Variants in CEP128 observed in about 807,000 individuals in gnomAD.
CEP128 encodes centrosomal protein 128kDa.
Under a neutral mutation model 156.7 loss-of-function variants are expected in CEP128, and 132 were observed. The observed-to-expected ratio is 0.84, with a 90% CI of 0.73 to 0.97. The LOEUF (loss-of-function observed/expected upper bound fraction) is 0.97, where lower values mean the gene tolerates loss of function less well. CEP128 is among the 50% of genes least tolerant of loss of function. CEP128 has a pLI of 0.00. For synonymous variants in CEP128, 469 were observed against 448.9 expected (o/e 1.04, Z -0.57); for missense variants, 1,252 against 1,281.9 (o/e 0.98, Z 0.36).
intron 19 of CEP128, among the ~76,000 whole-genome samples, chr14:80,635,277 CT>C (rs1351625433): frequency 3.3e-5 from 5 of 152,138 alleles, no homozygotes; most frequent in East Asian, 3.9e-4. Flanking sequence ...GTGAATTTCT[CT>C]TTGATTTTGA....
rs534225412 is a variant in CEP128, at chr14:80,566,849, T to C, written c.2857-7547A>G. On this transcript the variant is annotated intron_variant, in intron 20 of 24. Coordinates refer to ENST00000555265, the MANE Select transcript of CEP128 (RefSeq NM_152446.5). Reference sequence around the variant, plus strand: ...CGTCTAAAATAACACAACACACATATTGAAGAAAAAAAAAACAGCGAGGCT... The same window carrying C: ...CGTCTAAAATAACACAACACACATACTGAAGAAAAAAAAAACAGCGAGGCT... Among the ~76,000 whole-genome samples the C allele has an allele frequency of 1.9e-4, 22 of 113,774 alleles. No homozygotes were observed. In the South Asian group the frequency reaches 6.0e-3, roughly 31 times the overall value. 74.6% of individuals were successfully genotyped at this position (113,774 alleles called of 152,430 possible).
chr14:80,664,582 A>T (rs1895536397), intron 19 of CEP128, among the ~76,000 whole-genome samples: 1 of 152,194 alleles, frequency 6.6e-6, no homozygotes, highest in African/African-American at 2.4e-5. Flanking sequence ...GACATTATTT[A>T]TCTCCATTTT....
At chr14:80,532,346 C>T (rs1400125555) in intron 21 of CEP128, among the ~76,000 whole-genome samples, 1 of 152,022 alleles carries the variant, frequency 6.6e-6, no homozygotes, top group Admixed American at 6.6e-5. Context: ...GCACACACTA[C>T]CACACCCAGC....
intron 19 of CEP128, among the ~76,000 whole-genome samples, chr14:80,721,939 G>T (rs1036397418): frequency 4.6e-5 from 7 of 152,122 alleles, no homozygotes; most frequent in Non-Finnish European, 1.0e-4. Flanking sequence ...ATGATTATGG[G>T]TCACATACTG....
At chr14:80,903,177 G>A (rs1883679962) in intron 6 of CEP128, among the ~76,000 whole-genome samples, 1 of 151,982 alleles carries the variant, frequency 6.6e-6, no homozygotes, top group African/African-American at 2.4e-5. Flanking sequence ...TCTACGAACA[G>A]AGGAGAAAAC....
chr14:80,844,278 T>C (rs767971651), intron 9 of CEP128, among the ~76,000 whole-genome samples: 15 of 152,070 alleles, frequency 9.9e-5, no homozygotes, highest in Non-Finnish European at 1.6e-4. Context: ...TTACTTAAAT[T>C]GTTCAAAGAA....
At chr14:80,540,347 A>G (rs1889698060) in intron 21 of CEP128, among the ~76,000 whole-genome samples, 1 of 152,152 alleles carries the variant, frequency 6.6e-6, no homozygotes, top group Admixed American at 6.5e-5. Flanking sequence ...CAGCCAGCTG[A>G]CACTTACGGA....
intron 13 of CEP128, among the ~76,000 whole-genome samples, chr14:80,793,398 G>A (rs1386229617): frequency 6.6e-6 from 1 of 152,128 alleles, no homozygotes; most frequent in Non-Finnish European, 1.5e-5. Flanking sequence ...CACTTTTGAA[G>A]CGAACAATGT....
intron 19 of CEP128, among the ~76,000 whole-genome samples, chr14:80,700,108 C>A (rs1226008354): frequency 6.6e-6 from 1 of 152,134 alleles, no homozygotes; most frequent in Non-Finnish European, 1.5e-5. Context: ...TCATTCAATA[C>A]TATAACGCTA....
In CEP128 at chr14:80,761,465, A is replaced by T; in HGVS notation, c.2525T>A (p.Phe842Tyr). 6.2e-7 allele frequency: 1 copy of T among 1,610,198 alleles called. No homozygotes were observed. Among genetic ancestry groups the T allele is most frequent in the African/African-American group, 1.3e-5 (1 of 74,976 alleles). The change falls in exon 17 of 25, where the codon TTC (phenylalanine) becomes TAC (tyrosine). Residue 842 changes from phenylalanine to tyrosine, a missense_variant. Physicochemically the swap from Phe to Tyr is conservative, Grantham distance 22 (BLOSUM62 3). Coordinates refer to ENST00000555265, the MANE Select transcript of CEP128 (RefSeq NM_152446.5). ...TAATTTCTCCACTGAGTCCTTGGAG[A>T]ATGTTTTACAAGCTGCATCAATTTC... is the stretch of plus-strand genomic sequence containing the variant. ...GKEIDAACKT[F>Y]SKDSVEKLKV...
chr14:80,864,762 G>C (rs10144828), intron 8 of CEP128, among the ~76,000 whole-genome samples: 18 of 151,938 alleles, frequency 1.2e-4, no homozygotes, highest in African/African-American at 4.4e-4. Context: ...TCACCATGTC[G>C]GCCAGGATGG....
chr14:80,810,942 C>T (rs916501966), intron 13 of CEP128, among the ~76,000 whole-genome samples: 1 of 152,196 alleles, frequency 6.6e-6, no homozygotes, highest in Non-Finnish European at 1.5e-5. Flanking sequence ...TCTCCCTCCC[C>T]TAATGCCCCC....
intron 8 of CEP128, among the ~76,000 whole-genome samples, chr14:80,871,526 C>G (rs1385860472): frequency 6.6e-6 from 1 of 151,900 alleles, no homozygotes; most frequent in African/African-American, 2.4e-5. Flanking sequence ...CAGTGAAGAC[C>G]AAAGTAAGTA....
chr14:80,781,599 A>T (rs1457851355), intron 15 of CEP128, among the ~76,000 whole-genome samples: 1 of 152,092 alleles, frequency 6.6e-6, no homozygotes, highest in African/African-American at 2.4e-5. Flanking sequence ...ACACTCAGAT[A>T]TATATTTTGG....
rs1408471618 is a variant in CEP128, at chr14:80,580,363, T to G, written c.2856+11A>C. The G allele has an allele frequency of 6.3e-7, 1 of 1,575,554 alleles. No individual in the cohort carries two copies. Among genetic ancestry groups the G allele is most frequent in the South Asian group, 1.1e-5 (1 of 88,110 alleles). ...TCATACCAAGCATGCTTGCCCTATTTAAGAATTTACCTGCAGAGATCCCAT... is the reference window on the plus strand; with the variant it reads ...TCATACCAAGCATGCTTGCCCTATTGAAGAATTTACCTGCAGAGATCCCAT... On this transcript the variant is annotated intron_variant, in intron 20 of 24. Transcript: ENST00000555265.
chr14:80,617,219 C>CTTTTTTTTTTTTTTTTTTTTT lies in CEP128; in HGVS notation c.2807-36817_2807-36797dup, dbSNP rs3069115. On this transcript the variant is annotated intron_variant, in intron 19 of 24. Coordinates refer to ENST00000555265, the MANE Select transcript of CEP128 (RefSeq NM_152446.5). ...ATCACTTAACCTATGTGAATATCATCTTTTTTTTTTTTTTTTTTTTTTTTT... is the reference window on the plus strand; with the variant it reads ...ATCACTTAACCTATGTGAATATCATCTTTTTTTTTTTTTTTTTTTTTTTTTTTTTTTTTTTTTTTTTTTTTT... Among the ~76,000 whole-genome samples the CTTTTTTTTTTTTTTTTTTTTT allele has an allele frequency of 1.8e-4, 11 of 60,226 alleles. 3 individuals are homozygous for CTTTTTTTTTTTTTTTTTTTTT. The highest frequency in any genetic ancestry group is 6.5e-4 in the African/African-American group (10 of 15,476). The allele number at this position is 60,226 out of a possible 152,430, so 39.5% of individuals were successfully genotyped here. A position where few individuals can be genotyped will look rare whatever the true frequency, so the allele number is the denominator to read the frequency against.
At chr14:80,815,211 A>G (rs1247686623) in intron 13 of CEP128, among the ~76,000 whole-genome samples, 4 of 152,230 alleles carry the variant, frequency 2.6e-5, no homozygotes, top group Admixed American at 6.5e-5. Context: ...TAACATCTCA[A>G]CGAAATAACA....
chr14:80,648,415 T>C (rs1894754158), intron 19 of CEP128, among the ~76,000 whole-genome samples: 1 of 152,092 alleles, frequency 6.6e-6, no homozygotes. Context: ...TAAACTATGG[T>C]TTTCAGTTAT....
chr14:80,481,170 G>A (rs557607046), intron 14 of CEP128, among the ~76,000 whole-genome samples: 1 of 152,262 alleles, frequency 6.6e-6, no homozygotes, highest in South Asian at 2.1e-4. Flanking sequence ...ACCCGAGACA[G>A]GGAAGAAAAA....
Sources: gnomAD v4.1 joint callset for allele counts (sites outside exome capture counted in the v4.1 genomes callset) on GRCh38, gnomAD v4.1.1 for gene constraint, MANE v1.5 for transcripts, NCBI Gene and HGNC (gene_info 2026-07-23, HGNC 2026-07-21) for gene names.